The following GLI3 variants were observed in gnomAD, a reference collection of about 807,000 sequenced individuals.
The protein encoded by GLI3 is GLI family zinc finger 3.
GLI3 carries 20 observed loss-of-function variants against 100.8 expected under a neutral mutation model. That is an observed-to-expected ratio of 0.20 (90% confidence interval 0.14 to 0.29). The LOEUF (loss-of-function observed/expected upper bound fraction) is 0.29. GLI3 is among the 10% of genes least tolerant of loss of function. The pLI is 1.00. For synonymous variants in GLI3, 938 were observed against 860.5 expected (o/e 1.09, Z -1.58); for missense variants, 2,040 against 2,128.5 (o/e 0.96, Z 0.82).
chr7:42,171,024 G>A (rs1787362535), intron 2 of GLI3, among the ~76,000 whole-genome samples: 1 of 152,084 alleles, frequency 6.6e-6, no homozygotes, highest in African/African-American at 2.4e-5. Flanking sequence ...TAACAATTGT[G>A]CAGTGTCCTC....
At chr7:42,231,487 G>A (rs965432170) in intron 1 of GLI3, among the ~76,000 whole-genome samples, 1 of 152,144 alleles carries the variant, frequency 6.6e-6, no homozygotes, top group Non-Finnish European at 1.5e-5. Context: ...AAAACTGCCA[G>A]TGTAACCTAC....
In GLI3 at chr7:42,206,007, C is replaced by T. The variant is rs574476638; in HGVS notation, c.124+17123G>A. 2.6e-5 allele frequency among the ~76,000 whole-genome samples: 4 copies of T among 152,232 alleles called. No homozygotes were observed. In the South Asian group the frequency reaches 8.3e-4, roughly 32 times the overall value. On this transcript the variant is annotated intron_variant, in intron 2 of 14. Coordinates refer to ENST00000395925, the MANE Select transcript of GLI3 (RefSeq NM_000168.6). ...AAGGGGTTAGGTGCAGTGGCTCATG[C>T]CTGTAATCCCAGCACTTTGGGAGGC...
intron 2 of GLI3, among the ~76,000 whole-genome samples, chr7:42,202,188 T>C (rs1351062916): frequency 1.3e-5 from 2 of 152,156 alleles, no homozygotes; most frequent in Non-Finnish European, 2.9e-5. Context: ...ATGCATTTTT[T>C]TAAAAACATT....
At chr7:42,102,036 T>A (rs888069421) in intron 3 of GLI3, among the ~76,000 whole-genome samples, 1 of 151,954 alleles carries the variant, frequency 6.6e-6, no homozygotes, top group Non-Finnish European at 1.5e-5. Flanking sequence ...TATGGCTGCA[T>A]AGTATACCAT....
chr7:42,043,449 AAG>A (rs1014106900), intron 6 of GLI3, among the ~76,000 whole-genome samples: 8 of 152,188 alleles, frequency 5.3e-5, no homozygotes, highest in Non-Finnish European at 1.0e-4. Context: ...GAACAGCCAA[AAG>A]AGAAGTAGCC....
At chr7:42,180,861 C>T (rs571756905) in intron 2 of GLI3, among the ~76,000 whole-genome samples, 30 of 152,334 alleles carry the variant, frequency 2.0e-4, no homozygotes, top group Non-Finnish European at 4.0e-4. Flanking sequence ...ATAAGGAAAT[C>T]TCACATCTAC....
rs980107862 is a variant in GLI3, at chr7:41,964,985, C to G, written c.4088G>C (p.Cys1363Ser). ...GCCCATGCCGTGAGCCCCTGGCAGG[C>G]AGCTCTCTGGCCCTTGGTAGATGTT... ...HINIYQGPES[C>S]LPGAHGMGSQ... The change falls in exon 15 of 15, where the codon TGC becomes TCC. Residue 1363 changes from cysteine to serine, a missense_variant. Coordinates refer to ENST00000395925, the MANE Select transcript of GLI3 (RefSeq NM_000168.6). 3.1e-6 allele frequency: 5 copies of G among 1,613,702 alleles called. No individual in the cohort carries two copies. Among genetic ancestry groups the G allele is most frequent in the Non-Finnish European group, 4.2e-6 (5 of 1,180,044 alleles).
intron 3 of GLI3, among the ~76,000 whole-genome samples, chr7:42,119,469 G>A (rs372722127): frequency 1.3e-5 from 2 of 152,124 alleles, no homozygotes; most frequent in African/African-American, 2.4e-5. Context: ...CAGCTGTAAT[G>A]TACACTCTCT....
chr7:42,236,590 C>T (rs939407093), intron 1 of GLI3, among the ~76,000 whole-genome samples: 1 of 152,164 alleles, frequency 6.6e-6, no homozygotes, highest in Admixed American at 6.5e-5. Context: ...AGCCGTAGAG[C>T]GCCACCGCGC....
At chr7:42,116,627 T>C (rs1327942481) in intron 3 of GLI3, among the ~76,000 whole-genome samples, 3 of 152,226 alleles carry the variant, frequency 2.0e-5, no homozygotes, top group African/African-American at 7.2e-5. Flanking sequence ...CCACCTCTGA[T>C]GCACGAGGGC....
intron 10 of GLI3, among the ~76,000 whole-genome samples, chr7:42,011,866 C>A (rs919591771): frequency 2.0e-5 from 3 of 152,216 alleles, no homozygotes; most frequent in Middle Eastern, 3.4e-3. Flanking sequence ...ACTGTGACTG[C>A]GCTCAATGCC....
At chr7:42,192,428 G>C (rs1388486117) in intron 2 of GLI3, among the ~76,000 whole-genome samples, 1 of 151,930 alleles carries the variant, frequency 6.6e-6, no homozygotes, top group African/African-American at 2.4e-5. Context: ...AAATACGTAA[G>C]AACCAACAAA....
intron 4 of GLI3, among the ~76,000 whole-genome samples, chr7:42,049,896 T>G (rs897662292): frequency 2.0e-5 from 3 of 152,132 alleles, no homozygotes; most frequent in African/African-American, 7.2e-5. Flanking sequence ...AACAGCAAAT[T>G]CCTCTTCCAC....
At position 42,255,126 on chromosome 7, in the gene GLI3, AT is replaced by A. The variant is rs1350058439; in HGVS notation, c.-43+8867del. ...TAGGATTCTTTTAGTTTGGAACGCT[AT>A]TTTTTTCTTCCCCACTTTCTATCTT... On this transcript the variant is annotated intron_variant, in intron 1 of 2. Transcript: ENST00000678978. Among the ~76,000 whole-genome samples, 5 of 130,750 alleles carry A rather than the reference AT, an allele frequency of 3.8e-5. No homozygotes were observed. The East Asian group carries it at 8.7e-4, about 23-fold the overall frequency. The allele number at this position is 130,750 out of a possible 152,430, so 85.8% of individuals were successfully genotyped here.
rs1583507444 is a variant in GLI3, at chr7:42,047,072, C to G, written c.679+1419G>C. ...TTAGGGGGCTGAGACAGGAAGATGA[C>G]TTGAACCCAGCAGGTCTGGGGTACA... On this transcript the variant is annotated intron_variant, in intron 5 of 14. Transcript: ENST00000395925. Among the ~76,000 whole-genome samples the G allele has an allele frequency of 2.0e-5, 3 of 152,152 alleles. No homozygotes were observed. The East Asian group carries it at 5.8e-4, about 29-fold the overall frequency.
At chr7:42,256,779 T>C (rs899810584) in intron 1 of GLI3, among the ~76,000 whole-genome samples, 1 of 152,204 alleles carries the variant, frequency 6.6e-6, no homozygotes, top group African/African-American at 2.4e-5. Flanking sequence ...TTGTTTTTCA[T>C]ATAAATTTTA....
intron 1 of GLI3, among the ~76,000 whole-genome samples, chr7:42,260,879 T>C (rs1789130711): frequency 6.6e-6 from 1 of 151,706 alleles, no homozygotes; most frequent in Non-Finnish European, 1.5e-5. Context: ...TCCTGGTTTT[T>C]GGCTTGAGAA....
intron 2 of GLI3, chr7:42,152,406 C>G (rs1285794991): frequency 1.0e-6 from 1 of 985,408 alleles, no homozygotes; most frequent in South Asian, 4.7e-5. Context: ...TCTTGGTGAG[C>G]TCTCTCTAGC....
At chr7:42,169,710 G>T (rs1190257856) in intron 2 of GLI3, among the ~76,000 whole-genome samples, 1 of 151,798 alleles carries the variant, frequency 6.6e-6, no homozygotes, top group African/African-American at 2.4e-5. Context: ...AGTCCTAAAT[G>T]CCCAACAATA....
Sources: gnomAD v4.1 joint callset for allele counts (sites outside exome capture counted in the v4.1 genomes callset) on GRCh38, gnomAD v4.1.1 for gene constraint, MANE v1.5 for transcripts, NCBI Gene and HGNC (gene_info 2026-07-23, HGNC 2026-07-21) for gene names.